Variants in COL15A1 observed in about 807,000 individuals in gnomAD.
The protein encoded by COL15A1 is collagen alpha-1(XV) chain.
A neutral mutation model predicts 165.9 loss-of-function variants in COL15A1; 111 were observed. The observed-to-expected ratio is 0.67, with a 90% CI of 0.57 to 0.78. The LOEUF (loss-of-function observed/expected upper bound fraction) is 0.78. Ranked by LOEUF, COL15A1 falls within the 30% of genes least tolerant of loss-of-function variation. COL15A1 has a pLI of 0.00. For synonymous variants in COL15A1, 659 were observed against 674.8 expected, an observed-to-expected ratio of 0.98 and a Z score of 0.36; for missense variants, 1,745 against 1,789.7, an observed-to-expected ratio of 0.98 and a Z score of 0.45.
intron 2 of COL15A1, among the ~76,000 whole-genome samples, chr9:98,945,539 G>A (rs1026245833): frequency 1.3e-5 from 2 of 149,050 alleles, no homozygotes; most frequent in Admixed American, 6.7e-5. Context: ...CAAAGGAAAC[G>A]GGATTGAGAA....
intron 2 of COL15A1, among the ~76,000 whole-genome samples, chr9:98,970,538 C>T (rs1838030731): frequency 6.6e-6 from 1 of 152,228 alleles, no homozygotes; most frequent in African/African-American, 2.4e-5. Context: ...TAAATATCTG[C>T]CCCTACAACA....
intron 11 of COL15A1, among the ~76,000 whole-genome samples, chr9:99,017,913 T>C (rs1478383646): frequency 2.0e-5 from 3 of 152,242 alleles, no homozygotes; most frequent in Non-Finnish European, 4.4e-5. Context: ...TACCCATCGT[T>C]CAGTTTGGAT....
At chr9:99,061,946 G>A in intron 36 of COL15A1, 25 bp from the exon 37 acceptor site, 1 of 1,604,384 alleles carries the variant, frequency 6.2e-7, no homozygotes, top group Non-Finnish European at 8.5e-7. Context: ...TAATGGCAGT[G>A]TTTGGAATTT....
intron 5 of COL15A1, among the ~76,000 whole-genome samples, chr9:98,995,232 G>A (rs1838523484): frequency 6.6e-6 from 1 of 152,106 alleles, no homozygotes; most frequent in South Asian, 2.1e-4. Context: ...CCATCTGGGT[G>A]AAATGGAGAC....
intron 17 of COL15A1, 125 bp from the exon 18 acceptor site, chr9:99,034,889 G>T: frequency 1.1e-6 from 1 of 943,272 alleles, no homozygotes; most frequent in Non-Finnish European, 1.7e-6. Context: ...CCATTAAGTG[G>T]TACCGATCAG....
At chr9:98,946,262 G>T (rs1245492488) in intron 2 of COL15A1, among the ~76,000 whole-genome samples, 1 of 152,148 alleles carries the variant, frequency 6.6e-6, no homozygotes. Context: ...AAGAAACAGA[G>T]GTCCAAAGTC....
At chr9:99,038,287 A>C (rs1839339588) in intron 21 of COL15A1, among the ~76,000 whole-genome samples, 1 of 152,200 alleles carries the variant, frequency 6.6e-6, no homozygotes, top group Non-Finnish European at 1.5e-5. Flanking sequence ...TCCACACAAT[A>C]TGGCCGAGTG....
intron 3 of COL15A1, among the ~76,000 whole-genome samples, chr9:98,986,674 A>G (rs139455696): frequency 6.5e-4 from 99 of 152,340 alleles, no homozygotes; most frequent in Non-Finnish European, 1.2e-3. Context: ...AAGTTATTGT[A>G]GTTACTCATT....
chr9:98,972,170 G>C (rs950684142), intron 2 of COL15A1, among the ~76,000 whole-genome samples: 2 of 152,152 alleles, frequency 1.3e-5, no homozygotes, highest in African/African-American at 4.8e-5. Context: ...AGGCTACAGA[G>C]GGGCGAGGTG....
At position 99,054,883 on chromosome 9, in the gene COL15A1, T is replaced by A. The variant is rs532690773; in HGVS notation, c.3032-219T>A. 1.2e-4 allele frequency among the ~76,000 whole-genome samples: 18 copies of A among 152,264 alleles called. No homozygotes were observed. In the East Asian group the frequency reaches 2.9e-3, roughly 24 times the overall value. Reference sequence around the variant, plus strand: ...CATTCATCTTTTATATGCAAAACAATGTCCAAAGAAGGCCAGGGACCTACC... The same window carrying A: ...CATTCATCTTTTATATGCAAAACAAAGTCCAAAGAAGGCCAGGGACCTACC... On this transcript the variant is annotated intron_variant, in intron 32 of 41. Coordinates refer to ENST00000375001, the MANE Select transcript of COL15A1 (RefSeq NM_001855.5).
At chr9:99,017,467 A>C (rs1838955716) in intron 11 of COL15A1, among the ~76,000 whole-genome samples, 1 of 152,192 alleles carries the variant, frequency 6.6e-6, no homozygotes, top group African/African-American at 2.4e-5. Flanking sequence ...GACTTGTTGT[A>C]GGCCCTGGGC....
At chr9:98,985,109 T>TG (rs1460450456) in intron 2 of COL15A1, among the ~76,000 whole-genome samples, 1 of 151,808 alleles carries the variant, frequency 6.6e-6, no homozygotes, top group Non-Finnish European at 1.5e-5. Flanking sequence ...AGTTTTATAG[T>TG]GGGGAAAAAA....
chr9:98,952,056 G>A (rs1837697361), intron 2 of COL15A1, among the ~76,000 whole-genome samples: 1 of 152,230 alleles, frequency 6.6e-6, no homozygotes, highest in South Asian at 2.1e-4. Flanking sequence ...AGTTCTATGA[G>A]GCAGGGATGG....
At chr9:99,066,836 G>C in intron 39 of COL15A1, 46 bp from the exon 40 acceptor site, 1 of 1,558,730 alleles carries the variant, frequency 6.4e-7, no homozygotes, top group Non-Finnish European at 8.7e-7. Context: ...GGGGGCTGGA[G>C]TTTGCCTTTG....
chr9:98,979,686 CA>C (rs1290106334), intron 2 of COL15A1, among the ~76,000 whole-genome samples: 17 of 151,550 alleles, frequency 1.1e-4, no homozygotes, highest in African/African-American at 3.6e-4. Context: ...CTATGCAGAA[CA>C]TTTTTTTCTA....
At chr9:99,058,498 T>G (rs1403672644) in intron 35 of COL15A1, among the ~76,000 whole-genome samples, 1 of 152,062 alleles carries the variant, frequency 6.6e-6, no homozygotes, top group Non-Finnish European at 1.5e-5. Context: ...GGTGGAGGCA[T>G]ATTACAGGGT....
intron 9 of COL15A1, among the ~76,000 whole-genome samples, chr9:99,008,929 T>C (rs1838805060): frequency 6.6e-6 from 1 of 152,188 alleles, no homozygotes. Context: ...TTAAAAGCTG[T>C]AAATAGCTCA....
At chr9:99,058,129 C>T (rs1443526916) in intron 35 of COL15A1, among the ~76,000 whole-genome samples, 1 of 152,226 alleles carries the variant, frequency 6.6e-6, no homozygotes, top group African/African-American at 2.4e-5. Flanking sequence ...CCACAAACCA[C>T]ATCCTCTGCA....
chr9:99,004,061 A>G (rs1838715515), intron 8 of COL15A1, among the ~76,000 whole-genome samples: 1 of 152,188 alleles, frequency 6.6e-6, no homozygotes, highest in Non-Finnish European at 1.5e-5. Context: ...AAGCCTGAAG[A>G]AGGGCAGCAT....
Sources: gnomAD v4.1 joint callset for allele counts (sites outside exome capture counted in the v4.1 genomes callset) on GRCh38, gnomAD v4.1.1 for gene constraint, MANE v1.5 for transcripts, NCBI Gene and HGNC (gene_info 2026-07-23, HGNC 2026-07-21) for gene names.